SEC14L5: variants seen among roughly 807,000 people sequenced by gnomAD.
SEC14L5 encodes the protein SEC14-like protein 5.
SEC14L5 carries 96 observed loss-of-function variants against 84.6 expected under a neutral mutation model. The ratio of observed to expected loss-of-function variants is 1.13; its 90% CI spans 0.96 to 1.34. The LOEUF (loss-of-function observed/expected upper bound fraction) is 1.34. Ranked by LOEUF, SEC14L5 falls within the 40% of genes most tolerant of loss-of-function variation. SEC14L5 has a pLI of 0.00. For synonymous variants in SEC14L5, 546 were observed against 383.4 expected, an observed-to-expected ratio of 1.42 and a Z score of -4.95; for missense variants, 1,224 against 942.5, an observed-to-expected ratio of 1.30 and a Z score of -3.91.
rs191504210 is a variant in SEC14L5, at chr16:4,995,849, A to T, written c.668-499A>T. The stretch of plus-strand genomic sequence containing the variant: ...CCATGTTGGCCAGGCTGGTCCCAAA[A>T]TCCTGACTTCAAGTGATCTGCCTGC... On this transcript the variant is annotated intron_variant, in intron 6 of 15. Transcript: ENST00000251170. 1.4e-4 allele frequency among the ~76,000 whole-genome samples: 22 copies of T among 151,930 alleles called. No individual in the cohort carries two copies. The East Asian group carries it at 4.3e-3, about 30-fold the overall frequency.
intron 15 of SEC14L5, 100 bp from the exon 16 acceptor site, chr16:5,014,759 G>A: frequency 1.2e-6 from 1 of 855,644 alleles, no homozygotes; most frequent in Non-Finnish European, 1.9e-6. Context: ...GGGGCCCTGG[G>A]GCCTGATTTG....
intron 11 of SEC14L5, among the ~76,000 whole-genome samples, chr16:5,004,617 G>T (rs921942017): frequency 6.6e-6 from 1 of 152,088 alleles, no homozygotes; most frequent in African/African-American, 2.4e-5. Context: ...GTCAGCCTCA[G>T]CCTCCTGGGG....
chr16:5,008,827 C>T (rs1263876737), intron 14 of SEC14L5, among the ~76,000 whole-genome samples, 179 bp downstream of exon 14: 3 of 152,158 alleles, frequency 2.0e-5, no homozygotes, highest in Non-Finnish European at 4.4e-5. Context: ...TGCTCACCTG[C>T]CCAATGGCAG....
rs532944854 is a variant in SEC14L5, at chr16:5,009,891, A to T, written c.1801-1204A>T. Among the ~76,000 whole-genome samples, 257 of 152,176 alleles carry T rather than the reference A, an allele frequency of 1.7e-3. 1 individual carries two copies. Among genetic ancestry groups the T allele is most frequent in the African/African-American group, 6.0e-3 (249 of 41,518 alleles). On this transcript the variant is annotated intron_variant, in intron 14 of 15. Transcript: ENST00000251170. ...AGGTGGAAGGAACAGAAAGAACAAA[A>T]TTGAAGCCGCAGGGAGAAGGCAGGT...
At chr16:4,959,215 T>C in intron 1 of SEC14L5, 58 bp from the exon 2 acceptor site, 1 of 799,992 alleles carries the variant, frequency 1.3e-6, no homozygotes, top group South Asian at 1.4e-5. Context: ...ACTTGGTGGG[T>C]GGTGTCCCTG....
chr16:5,013,200 G>C (rs932541889), intron 15 of SEC14L5, among the ~76,000 whole-genome samples: 4 of 152,080 alleles, frequency 2.6e-5, no homozygotes, highest in Non-Finnish European at 5.9e-5. Flanking sequence ...GATTTACTTG[G>C]GCCATAGAGC....
intron 2 of SEC14L5, among the ~76,000 whole-genome samples, chr16:4,975,084 C>G (rs1441802255): frequency 1.3e-5 from 2 of 152,074 alleles, no homozygotes; most frequent in Non-Finnish European, 2.9e-5. Context: ...AGCTTGCGTC[C>G]TCATATCTTA....
At chr16:4,971,001 G>A (rs1462702676) in intron 2 of SEC14L5, among the ~76,000 whole-genome samples, 3 of 152,032 alleles carry the variant, frequency 2.0e-5, no homozygotes, top group African/African-American at 4.8e-5. Flanking sequence ...CCAGCTACGC[G>A]GGGGGCTGAG....
intron 2 of SEC14L5, among the ~76,000 whole-genome samples, chr16:4,964,133 C>T (rs536505951): frequency 2.6e-5 from 4 of 152,164 alleles, no homozygotes; most frequent in Non-Finnish European, 4.4e-5. Flanking sequence ...TTTGAATGCC[C>T]GGGTCCCAGA....
intron 2 of SEC14L5, among the ~76,000 whole-genome samples, chr16:4,978,792 C>CG (rs1472682847): frequency 7.2e-5 from 11 of 152,168 alleles, no homozygotes; most frequent in South Asian, 6.2e-4. Context: ...TTAGTAGAGA[C>CG]GGGTTTCACC....
intron 11 of SEC14L5, among the ~76,000 whole-genome samples, chr16:5,004,373 G>T (rs912441622): frequency 6.6e-6 from 1 of 152,204 alleles, no homozygotes; most frequent in Non-Finnish European, 1.5e-5. Flanking sequence ...GCTGTTTGGG[G>T]TGGTTTTGGG....
intron 2 of SEC14L5, among the ~76,000 whole-genome samples, chr16:4,973,785 C>T (rs564421413): frequency 6.7e-6 from 1 of 149,776 alleles, no homozygotes; most frequent in African/African-American, 2.5e-5. Flanking sequence ...CGGGTTCAAA[C>T]GACTGTTGTG....
chr16:4,988,285 G>GC lies in SEC14L5; in HGVS notation c.345+8dup. The GC allele has an allele frequency of 6.2e-7, 1 of 1,613,416 alleles. No individual in the cohort carries two copies. The highest frequency in any genetic ancestry group is 8.5e-7 in the Non-Finnish European group (1 of 1,179,676). ...AACGAGCACTGCAGCTACACGGTGA[G>GC]CCCAGGCCACCCTCAGCGCCCACGC... On this transcript the variant is annotated splice_donor_region_variant and intron_variant, in intron 4 of 15. Coordinates refer to ENST00000251170, the MANE Select transcript of SEC14L5 (RefSeq NM_014692.2).
intron 2 of SEC14L5, among the ~76,000 whole-genome samples, chr16:4,972,093 C>T (rs971561440): frequency 4.0e-5 from 6 of 151,854 alleles, no homozygotes; most frequent in African/African-American, 1.5e-4. Context: ...ACAGCCTCAA[C>T]CTCCTGGGTT....
intron 2 of SEC14L5, among the ~76,000 whole-genome samples, chr16:4,974,549 A>G (rs539058929): frequency 6.6e-6 from 1 of 151,790 alleles, no homozygotes; most frequent in African/African-American, 2.4e-5. Flanking sequence ...TGATAATTAT[A>G]TTTTAATTTT....
Position 5,018,812 on chromosome 16 carries a change from ACT to A in SEC14L5, c.*3847_*3848del, listed in dbSNP as rs777111142. Reference sequence around the variant, plus strand: ...TTGAGACTCTTTTTTTCTACCCTGCACTCTCTGGAATTCCCCCTCCCTGCTGT... The same window carrying A: ...TTGAGACTCTTTTTTTCTACCCTGCACTCTGGAATTCCCCCTCCCTGCTGT... On this transcript the variant is annotated 3_prime_UTR_variant, in exon 16 of 16. Transcript: ENST00000251170. 1 of 152,020 alleles carries A rather than the reference ACT, an allele frequency of 6.6e-6. No individual in the cohort carries two copies. Among genetic ancestry groups the A allele is most frequent in the African/African-American group, 2.4e-5 (1 of 41,360 alleles). The allele number at this position is 152,020 out of a possible 1,614,324, so 9.4% of individuals were successfully genotyped here.
At chr16:4,993,809 G>C (rs1176779829) in intron 6 of SEC14L5, among the ~76,000 whole-genome samples, 1 of 152,098 alleles carries the variant, frequency 6.6e-6, no homozygotes, top group East Asian at 1.9e-4. Flanking sequence ...ATGTGTAATT[G>C]CATCTATTCC....
intron 2 of SEC14L5, among the ~76,000 whole-genome samples, chr16:4,964,468 C>G (rs1052129223): frequency 3.3e-5 from 5 of 152,034 alleles, no homozygotes; most frequent in Non-Finnish European, 7.4e-5. Context: ...TGCTTGTAAT[C>G]CCAGCTAGTC....
In SEC14L5 at chr16:5,014,929, T is replaced by A; in HGVS notation, c.2050T>A (p.Ser684Thr). The A allele has an allele frequency of 1.2e-6, 2 of 1,612,796 alleles. No homozygotes were observed. Among genetic ancestry groups the A allele is most frequent in the Non-Finnish European group, 1.7e-6 (2 of 1,179,876 alleles). ...SQLSAATSSSSSGQSHSSSLV... is the reference protein window; with the variant it reads ...SQLSAATSSSTSGQSHSSSLV... ...GCTCAGCGCCGCCACCTCGTCCTCC[T>A]CCTCCGGCCAGTCTCATAGCAGCTC... is the stretch of plus-strand genomic sequence containing the variant. Residue 684 changes from serine to threonine, a missense_variant, in exon 16 of 16, where the codon TCC (serine) becomes ACC (threonine). Physicochemically the swap from Ser to Thr is moderately conservative, Grantham distance 58. Coordinates refer to ENST00000251170, the MANE Select transcript of SEC14L5 (RefSeq NM_014692.2).
Sources: allele counts gnomAD v4.1 joint callset (sites outside exome capture counted in the v4.1 genomes callset), GRCh38; gene constraint gnomAD v4.1.1; transcripts MANE v1.5; gene names NCBI Gene and HGNC (gene_info 2026-07-23, HGNC 2026-07-21).